The following HDAC5 variants were observed in gnomAD, a reference collection of about 807,000 sequenced individuals.
HDAC5 encodes the protein histone deacetylase 5.
Under a neutral mutation model 133.3 loss-of-function variants are expected in HDAC5, and 25 were observed. That is an observed-to-expected ratio of 0.19 (90% CI 0.14 to 0.26). The LOEUF is 0.26. HDAC5 is among the 10% of genes least tolerant of loss of function. The probability of loss-of-function intolerance (pLI) is 1.00; values close to 1 mark genes in which losing one functional copy is unlikely to be tolerated. For missense variants in HDAC5, 1,041 were observed against 1,460.5 expected, an observed-to-expected ratio of 0.71 and a Z score of 4.68; for synonymous variants, 589 against 610.8, an observed-to-expected ratio of 0.96 and a Z score of 0.53.
At chr17:44,086,332 G>A (rs1216181766) in intron 14 of HDAC5, among the ~76,000 whole-genome samples, 1 of 152,360 alleles carries the variant, frequency 6.6e-6, no homozygotes, top group South Asian at 2.1e-4. Context: ...ACTTCAGGCT[G>A]TGGGGCAGTC....
intron 20 of HDAC5, among the ~76,000 whole-genome samples, chr17:44,081,368 G>C (rs2143040060): frequency 6.6e-6 from 1 of 151,818 alleles, no homozygotes; most frequent in Non-Finnish European, 1.5e-5. Context: ...TCCTGCCTCA[G>C]CCTCCCGAGT....
At chr17:44,085,226 T>A in intron 14 of HDAC5, 71 bp from the exon 15 acceptor site, 1 of 1,421,646 alleles carries the variant, frequency 7.0e-7, no homozygotes, top group South Asian at 1.5e-5. Context: ...ACCATGATCC[T>A]CAGCAGGGCT....
chr17:44,104,982 C>T (rs764098029), intron 3 of HDAC5, among the ~76,000 whole-genome samples: 2 of 152,156 alleles, frequency 1.3e-5, no homozygotes, highest in African/African-American at 2.4e-5. Flanking sequence ...CCCCTGTTTT[C>T]AGAGGGAGGA....
intron 3 of HDAC5, among the ~76,000 whole-genome samples, chr17:44,097,732 G>T (rs1429688342): frequency 6.6e-6 from 1 of 152,272 alleles, no homozygotes; most frequent in Non-Finnish European, 1.5e-5. Flanking sequence ...ATTCCAGCCT[G>T]CCTGCCCAGG....
intron 1 of HDAC5, among the ~76,000 whole-genome samples, chr17:44,121,350 C>T (rs958506033): frequency 3.3e-5 from 5 of 151,992 alleles, no homozygotes; most frequent in Non-Finnish European, 5.9e-5. Flanking sequence ...TAGGCCCCCT[C>T]ACGGGCTACA....
intron 21 of HDAC5, 102 bp from the exon 22 acceptor site, chr17:44,080,600 G>A: frequency 1.4e-6 from 2 of 1,474,024 alleles, no homozygotes; most frequent in Non-Finnish European, 1.9e-6. Flanking sequence ...ACTGACCTCT[G>A]CTCTGCCTGG....
At position 44,078,284 on chromosome 17, in the gene HDAC5, G is replaced by T; in HGVS notation, c.*92C>A. Reference sequence around the variant, plus strand: ...GGGGCAAGGCTGAGAGACCCACACGGCACACCTTGTTGAATGTGTGACTTT... The same window carrying T: ...GGGGCAAGGCTGAGAGACCCACACGTCACACCTTGTTGAATGTGTGACTTT... On this transcript the variant is annotated 3_prime_UTR_variant, in exon 27 of 27. Coordinates refer to ENST00000682912, the MANE Select transcript of HDAC5 (RefSeq NM_005474.5). 7.5e-7 allele frequency: 1 copy of T among 1,338,456 alleles called. No homozygotes were observed. 82.9% of individuals were successfully genotyped at this position (1,338,456 alleles called of 1,614,324 possible).
chr17:44,087,929 C>T (rs1247057749), intron 12 of HDAC5, among the ~76,000 whole-genome samples: 2 of 152,080 alleles, frequency 1.3e-5, no homozygotes, highest in Admixed American at 1.3e-4. Flanking sequence ...CTGCAACCTC[C>T]GCCTTCCAAA....
intron 3 of HDAC5, among the ~76,000 whole-genome samples, chr17:44,108,609 C>T (rs541011503): frequency 1.8e-4 from 27 of 151,530 alleles, no homozygotes; most frequent in Non-Finnish European, 3.7e-4. Context: ...GTCTGGAGAC[C>T]GATCAAGAGA....
intron 18 of HDAC5, among the ~76,000 whole-genome samples, 160 bp downstream of exon 18, chr17:44,083,385 C>T (rs138152897): frequency 4.9e-4 from 74 of 152,354 alleles, no homozygotes; most frequent in African/African-American, 1.7e-3. Flanking sequence ...TCCCTCATAA[C>T]CTGAATTCCC....
intron 16 of HDAC5, 135 bp from the exon 17 acceptor site, chr17:44,083,989 T>C (rs901890640): frequency 4.3e-6 from 3 of 705,848 alleles, no homozygotes; most frequent in Non-Finnish European, 5.1e-6. Flanking sequence ...CTGGGCGTGG[T>C]GGCACACACC....
At chr17:44,082,524 A>C (rs1280042687) in intron 20 of HDAC5, 61 bp downstream of exon 20, 1 of 1,346,370 alleles carries the variant, frequency 7.4e-7, no homozygotes, top group Admixed American at 1.7e-5. Context: ...AGACTTCCTG[A>C]AGGCTGACCC....
intron 3 of HDAC5, among the ~76,000 whole-genome samples, chr17:44,095,315 C>G (rs886670120): frequency 4.6e-5 from 7 of 152,204 alleles, no homozygotes; most frequent in Non-Finnish European, 1.5e-5. Flanking sequence ...TGTGCCCGCT[C>G]CCATTTCTCA....
chr17:44,123,171 G>A, intron 1 of HDAC5: 1 of 213,760 alleles, frequency 4.7e-6, no homozygotes. Context: ...TGCGCCGCCA[G>A]GGAAGGGGCA....
In HDAC5 at chr17:44,092,288, T is replaced by C. The variant is rs1597967089; in HGVS notation, c.920-4A>G. Reference sequence around the variant, plus strand: ...GCGCTGTTACACACGGACGACGCTATAGGAGAAGTGGCTGTCACCTGGGCC... The same window carrying C: ...GCGCTGTTACACACGGACGACGCTACAGGAGAAGTGGCTGTCACCTGGGCC... On this transcript the variant is annotated splice_region_variant and splice_polypyrimidine_tract_variant and intron_variant, in intron 8 of 26. Transcript: ENST00000682912. The C allele has an allele frequency of 6.2e-7, 1 of 1,613,916 alleles. No individual in the cohort carries two copies. Among genetic ancestry groups the C allele is most frequent in the Non-Finnish European group, 8.5e-7 (1 of 1,179,936 alleles).
intron 1 of HDAC5, among the ~76,000 whole-genome samples, chr17:44,118,312 T>C (rs2052774737): frequency 6.6e-6 from 1 of 152,216 alleles, no homozygotes; most frequent in African/African-American, 2.4e-5. Context: ...ATCCCAAATC[T>C]AGTACCCTTG....
At position 44,080,486 on chromosome 17, in the gene HDAC5, G is replaced by A. The variant is rs2050339028; in HGVS notation, c.2740C>T (p.Pro914Ser). ...ACGTTCACATTGTACCCCACGCCTG[G>A]TCCTCCACCAACCTGGCACCAGAGT... ...SGAPEEVGGGPGVGYNVNVAW... is the reference protein window; with the variant it reads ...SGAPEEVGGGSGVGYNVNVAW... Residue 914 changes from proline to serine, a missense_variant, in exon 22 of 27, where the codon CCA becomes TCA. Physicochemically the swap from Pro to Ser is moderately conservative, Grantham distance 74. This residue lies in a region of HDAC5 where 174 missense variants were observed against 352.7 expected (regional missense o/e 0.49). Transcript: ENST00000682912. The A allele has an allele frequency of 1.2e-6, 2 of 1,614,100 alleles. No individual in the cohort carries two copies. Among genetic ancestry groups the A allele is most frequent in the Non-Finnish European group, 1.7e-6 (2 of 1,180,000 alleles).
At chr17:44,080,999 T>A in intron 20 of HDAC5, 117 bp from the exon 21 acceptor site, 1 of 1,406,282 alleles carries the variant, frequency 7.1e-7, no homozygotes. Context: ...TTTGGGAGGC[T>A]GAGGGCTGGG....
intron 14 of HDAC5, 59 bp downstream of exon 14, chr17:44,086,513 C>T (rs1477314950): frequency 7.2e-6 from 9 of 1,249,156 alleles, no homozygotes; most frequent in African/African-American, 1.5e-5. Context: ...ATGGGGCAGA[C>T]ACCACACACA....
Sources: allele counts gnomAD v4.1 joint callset (sites outside exome capture counted in the v4.1 genomes callset), GRCh38; gene constraint gnomAD v4.1.1; regional missense constraint gnomAD v4.1.1; transcripts MANE v1.5; gene names NCBI Gene and HGNC (gene_info 2026-07-23, HGNC 2026-07-21).